TTC28: variants seen among roughly 807,000 people sequenced by gnomAD.
The protein encoded by TTC28 is tetratricopeptide repeat protein 28.
Under a neutral mutation model 198.0 loss-of-function variants are expected in TTC28, and 61 were observed. The ratio of observed to expected loss-of-function variants is 0.31; its 90% CI spans 0.25 to 0.38. The LOEUF (loss-of-function observed/expected upper bound fraction) is 0.38. Ranked by LOEUF, TTC28 falls within the 10% of genes least tolerant of loss-of-function variation. TTC28 has a pLI of 1.00. For synonymous variants in TTC28, 1,171 were observed against 1,297.8 expected (o/e 0.90, Z 2.10); for missense variants, 2,678 against 3,164.0 (o/e 0.85, Z 3.69).
chr22:28,431,933 A>G (rs1287026489), intron 2 of TTC28, among the ~76,000 whole-genome samples: 1 of 151,922 alleles, frequency 6.6e-6, no homozygotes, highest in Non-Finnish European at 1.5e-5. Flanking sequence ...AGCCAAGATC[A>G]TGCCACTGCA....
At chr22:28,266,896 A>G (rs1417881196) in intron 5 of TTC28, among the ~76,000 whole-genome samples, 1 of 152,186 alleles carries the variant, frequency 6.6e-6, no homozygotes, top group Non-Finnish European at 1.5e-5. Context: ...AAAAACCCAG[A>G]CTTCACCAGA....
intron 5 of TTC28, among the ~76,000 whole-genome samples, chr22:28,220,015 T>G (rs1473994589): frequency 6.6e-6 from 1 of 152,220 alleles, no homozygotes; most frequent in East Asian, 1.9e-4. Context: ...TCCAGAGTTT[T>G]CCTACTGCAG....
intron 1 of TTC28, among the ~76,000 whole-genome samples, chr22:28,672,112 C>T (rs1293396713): frequency 2.6e-5 from 4 of 152,172 alleles, no homozygotes; most frequent in Admixed American, 1.3e-4. Context: ...CTGCAACATC[C>T]GCCTCCTGAG....
intron 12 of TTC28, among the ~76,000 whole-genome samples, chr22:28,069,863 G>A (rs1940897194): frequency 6.6e-6 from 1 of 150,878 alleles, no homozygotes; most frequent in African/African-American, 2.4e-5. Flanking sequence ...AAAGTACGAA[G>A]AAGCAGACAA....
At chr22:28,618,362 C>CA (rs1042574723) in intron 2 of TTC28, among the ~76,000 whole-genome samples, 7 of 151,698 alleles carry the variant, frequency 4.6e-5, no homozygotes, top group African/African-American at 1.7e-4. Context: ...TTAGTGGACA[C>CA]AAGTGCAAAC....
At chr22:28,337,628 T>A (rs1051017925) in intron 2 of TTC28, among the ~76,000 whole-genome samples, 2 of 152,240 alleles carry the variant, frequency 1.3e-5, no homozygotes, top group Non-Finnish European at 2.9e-5. Context: ...CTTTGTTGGT[T>A]TAAAGTCTGT....
chr22:28,648,907 T>C (rs1345097146), intron 1 of TTC28, among the ~76,000 whole-genome samples: 1 of 143,068 alleles, frequency 7.0e-6, no homozygotes, highest in East Asian at 2.0e-4. Context: ...AAACCTTGTC[T>C]CAAAAAAAAG....
intron 2 of TTC28, among the ~76,000 whole-genome samples, chr22:28,425,363 G>A (rs2047334618): frequency 6.6e-6 from 1 of 152,214 alleles, no homozygotes; most frequent in South Asian, 2.1e-4. Flanking sequence ...CCAAGGCACT[G>A]GCTAAATGCC....
At chr22:28,470,867 A>G (rs2048088642) in intron 2 of TTC28, among the ~76,000 whole-genome samples, 1 of 152,164 alleles carries the variant, frequency 6.6e-6, no homozygotes, top group Non-Finnish European at 1.5e-5. Context: ...AGAAGGTTAG[A>G]CTCGAAATGT....
chr22:28,284,503 A>G (rs1163597916), intron 5 of TTC28, among the ~76,000 whole-genome samples: 1 of 152,228 alleles, frequency 6.6e-6, no homozygotes, highest in Non-Finnish European at 1.5e-5. Context: ...TAACAAAAGA[A>G]CAAATAAGCA....
At chr22:28,410,301 T>C (rs1466006440) in intron 2 of TTC28, among the ~76,000 whole-genome samples, 1 of 152,214 alleles carries the variant, frequency 6.6e-6, no homozygotes, top group Non-Finnish European at 1.5e-5. Context: ...GAGGAAGTTA[T>C]TATATTCCTC....
intron 2 of TTC28, among the ~76,000 whole-genome samples, chr22:28,461,159 T>C (rs996885302): frequency 3.3e-5 from 5 of 152,218 alleles, no homozygotes; most frequent in African/African-American, 1.2e-4. Flanking sequence ...TATAGTTACC[T>C]TCTATTTTTC....
intron 12 of TTC28, among the ~76,000 whole-genome samples, chr22:28,072,948 C>G (rs943313882): frequency 1.3e-5 from 2 of 152,096 alleles, no homozygotes; most frequent in Non-Finnish European, 2.9e-5. Context: ...TTAGAAAATG[C>G]CTTAAGTAGC....
intron 1 of TTC28, among the ~76,000 whole-genome samples, chr22:28,674,680 A>G (rs1228888048): frequency 6.6e-6 from 1 of 151,924 alleles, no homozygotes; most frequent in Non-Finnish European, 1.5e-5. Context: ...TTAGCTGGGC[A>G]TAGTGGTGCA....
At chr22:28,086,683 T>C (rs1172128292) in intron 12 of TTC28, among the ~76,000 whole-genome samples, 3 of 151,954 alleles carry the variant, frequency 2.0e-5, no homozygotes, top group African/African-American at 7.3e-5. Flanking sequence ...CTGAAGGTAA[T>C]AGAGACACAA....
chr22:28,179,164 TG>T (rs1182271196), intron 5 of TTC28, among the ~76,000 whole-genome samples: 17 of 146,134 alleles, frequency 1.2e-4, no homozygotes, highest in Admixed American at 1.1e-3. Flanking sequence ...TTTTTTGTTT[TG>T]TTTTTTTTTT....
intron 5 of TTC28, among the ~76,000 whole-genome samples, chr22:28,180,303 A>G (rs929285281): frequency 2.0e-5 from 3 of 152,218 alleles, no homozygotes; most frequent in African/African-American, 7.2e-5. Flanking sequence ...GTCACACAAA[A>G]TTAATTGCAC....
chr22:28,016,113 G>A (rs1182068055), intron 13 of TTC28, among the ~76,000 whole-genome samples: 2 of 152,258 alleles, frequency 1.3e-5, no homozygotes, highest in Non-Finnish European at 2.9e-5. Flanking sequence ...CCTGGTGCCT[G>A]TGAGAGAAAA....
intron 5 of TTC28, among the ~76,000 whole-genome samples, chr22:28,219,573 A>G (rs1927691823): frequency 6.6e-6 from 1 of 152,174 alleles, no homozygotes; most frequent in Non-Finnish European, 1.5e-5. Flanking sequence ...AGGAGATGCA[A>G]AACAAGTAGC....
Sources: allele counts gnomAD v4.1 joint callset (sites outside exome capture counted in the v4.1 genomes callset), GRCh38; gene constraint gnomAD v4.1.1; transcripts MANE v1.5; gene names NCBI Gene and HGNC (gene_info 2026-07-23, HGNC 2026-07-21).